Variants in STK33 observed in about 807,000 individuals in gnomAD.
The protein encoded by STK33 is serine/threonine kinase 33.
Under a neutral mutation model 58.0 loss-of-function variants are expected in STK33, and 52 were observed. The observed-to-expected ratio is 0.90, with a 90% CI of 0.72 to 1.13. The LOEUF is 1.13. Ranked by LOEUF, STK33 falls within the 50% of genes most tolerant of loss-of-function variation. The probability of loss-of-function intolerance (pLI) is 0.00; values close to 1 mark genes in which losing one functional copy is unlikely to be tolerated. For synonymous variants in STK33, 215 were observed against 200.1 expected (o/e 1.07, Z -0.63); for missense variants, 630 against 604.2 (o/e 1.04, Z -0.45).
At chr11:8,557,393 G>GAAAAAA (rs1234834148) in intron 1 of STK33, among the ~76,000 whole-genome samples, 1 of 149,720 alleles carries the variant, frequency 6.7e-6, no homozygotes. Flanking sequence ...AAAAAGGAGG[G>GAAAAAA]GAAAAAGGAA....
In STK33 at chr11:8,534,562, CTCTCTCTGTG is replaced by C. The variant is rs1224104270; in HGVS notation, c.-465-53958_-465-53949del. Reference sequence around the variant, plus strand: ...TCTCTCTCTCTCTCTCTCTCTCTCTCTCTCTCTGTGTGTGTGTGTGTGTGTGTGTGTGTGT... The same window carrying C: ...TCTCTCTCTCTCTCTCTCTCTCTCTCTGTGTGTGTGTGTGTGTGTGTGTGT... On this transcript the variant is annotated intron_variant, in intron 1 of 15. Coordinates refer to ENST00000687296, the MANE Select transcript of STK33 (RefSeq NM_001352389.2). Among the ~76,000 whole-genome samples, 113 of 129,058 alleles carry C rather than the reference CTCTCTCTGTG, an allele frequency of 8.8e-4. 1 individual carries two copies. Among genetic ancestry groups the C allele is most frequent in the African/African-American group, 2.7e-3 (82 of 30,184 alleles). 84.7% of individuals were successfully genotyped at this position (129,058 alleles called of 152,430 possible).
chr11:8,428,814 CTGTTA>C (rs1943076191), intron 14 of STK33, among the ~76,000 whole-genome samples: 1 of 151,996 alleles, frequency 6.6e-6, no homozygotes, highest in East Asian at 1.9e-4. Context: ...CAATATGATA[CTGTTA>C]TGTTTAGTAA....
At chr11:8,553,167 A>AATATAT (rs56363010) in intron 1 of STK33, among the ~76,000 whole-genome samples, 84 of 68,156 alleles carry the variant, frequency 1.2e-3, no homozygotes, top group Admixed American at 2.2e-3. Context: ...CCAAAAATAA[A>AATATAT]ATATATATAT....
intron 2 of STK33, among the ~76,000 whole-genome samples, chr11:8,480,151 G>C (rs1027186583): frequency 3.3e-5 from 5 of 152,126 alleles, no homozygotes. Flanking sequence ...AGTGGGTGCC[G>C]ATTTCCATCT....
At chr11:8,382,212 G>T in the STK33 span, among the ~76,000 whole-genome samples, 2 of 152,206 alleles carry the variant, frequency 1.3e-5, no homozygotes, top group Admixed American at 1.3e-4. Flanking sequence ...GCTACATTGG[G>T]GTGACACTTG....
At chr11:8,493,226 G>A (rs924084827) in intron 1 of STK33, among the ~76,000 whole-genome samples, 1 of 151,884 alleles carries the variant, frequency 6.6e-6, no homozygotes, top group East Asian at 1.9e-4. Flanking sequence ...AGAAAACAGA[G>A]AAGAATCAAA....
At chr11:8,441,330 A>AAT (rs1257785681) in intron 11 of STK33, among the ~76,000 whole-genome samples, 4 of 151,892 alleles carry the variant, frequency 2.6e-5, no homozygotes, top group South Asian at 2.1e-4. Flanking sequence ...GACTATACTA[A>AAT]ATATATATAT....
intron 1 of STK33, among the ~76,000 whole-genome samples, chr11:8,574,310 G>C (rs370560615): frequency 6.6e-6 from 1 of 152,174 alleles, no homozygotes; most frequent in African/African-American, 2.4e-5. Context: ...TTAATATTGA[G>C]GGAGGATGGT....
chr11:8,358,278 T>TGG, the STK33 span, among the ~76,000 whole-genome samples: 3 of 151,956 alleles, frequency 2.0e-5, no homozygotes, highest in South Asian at 2.1e-4. Context: ...CAGCTTGGGG[T>TGG]GGGGGGGCAT....
chr11:8,435,516 A>G lies in STK33; in HGVS notation c.1124T>C (p.Leu375Pro). ...TACTGTTAACCACTGGTTATCTAGT[A>G]GTTCCTTAGCTGTGATTCTGTGAGC... ...DPAHRITAKE[L>P]LDNQWLTGNK... The change falls in exon 14 of 16, where the codon CTA (leucine) becomes CCA (proline). Residue 375 changes from leucine to proline, a missense_variant. Leu to Pro is a moderately conservative substitution (Grantham distance 98, BLOSUM62 -3). Coordinates refer to ENST00000687296, the MANE Select transcript of STK33 (RefSeq NM_001352389.2). 1 of 1,494,854 alleles carries G rather than the reference A, an allele frequency of 6.7e-7. No individual in the cohort carries two copies. Among genetic ancestry groups the G allele is most frequent in the Non-Finnish European group, 9.0e-7 (1 of 1,109,912 alleles). The allele number at this position is 1,494,854 out of a possible 1,614,324, so 92.6% of individuals were successfully genotyped here. A position where few individuals can be genotyped will look rare whatever the true frequency, so the allele number is the denominator to read the frequency against.
At chr11:8,371,613 CTCTT>C in the STK33 span, among the ~76,000 whole-genome samples, 27 of 146,428 alleles carry the variant, frequency 1.8e-4, 1 homozygote, top group Admixed American at 1.9e-3. Context: ...CTCTTTCTTT[CTCTT>C]TCTTTTCCTT....
chr11:8,472,105 T>A lies in STK33; in HGVS notation c.339+1058A>T, dbSNP rs946720407. On this transcript the variant is annotated intron_variant, in intron 6 of 15. Coordinates refer to ENST00000687296, the MANE Select transcript of STK33 (RefSeq NM_001352389.2). The stretch of plus-strand genomic sequence containing the variant: ...CTATATCCTGCTAATTTTTTAAAAA[T>A]TTTTTTAGAGAAGGAGTTTTGCTAT... Among the ~76,000 whole-genome samples, 5 of 152,132 alleles carry A rather than the reference T, an allele frequency of 3.3e-5. No individual in the cohort carries two copies. The South Asian group carries it at 6.2e-4, about 19-fold the overall frequency.
At chr11:8,519,531 CA>C (rs1229663370) in intron 1 of STK33, among the ~76,000 whole-genome samples, 2 of 151,784 alleles carry the variant, frequency 1.3e-5, no homozygotes, top group Non-Finnish European at 2.9e-5. Flanking sequence ...AAAAACCCTT[CA>C]AAAAAATCAA....
intron 8 of STK33, among the ~76,000 whole-genome samples, chr11:8,459,961 G>C (rs1396494399): frequency 6.6e-6 from 1 of 152,218 alleles, no homozygotes; most frequent in Non-Finnish European, 1.5e-5. Flanking sequence ...CCATGAGCTG[G>C]AGGTAAACCT....
chr11:8,549,964 CA>C (rs1304348887), intron 1 of STK33, among the ~76,000 whole-genome samples: 1 of 152,004 alleles, frequency 6.6e-6, no homozygotes, highest in African/African-American at 2.4e-5. Flanking sequence ...TTACTTAAAA[CA>C]AAAGTCAGTG....
chr11:8,553,207 A>G lies in STK33; in HGVS notation c.-466+40876T>C, dbSNP rs1288298802. Among the ~76,000 whole-genome samples, 6 of 100,278 alleles carry G rather than the reference A, an allele frequency of 6.0e-5. No individual in the cohort carries two copies. In the East Asian group the frequency reaches 1.4e-3, roughly 24 times the overall value. 65.8% of individuals were successfully genotyped at this position (100,278 alleles called of 152,430 possible). On this transcript the variant is annotated intron_variant, in intron 1 of 15. Transcript: ENST00000687296. ...ATATATATATATATATGGTGTATAT[A>G]TATATATATATATATATGGTGTGTA...
chr11:8,546,957 G>A (rs750515419), intron 1 of STK33, among the ~76,000 whole-genome samples: 18 of 151,964 alleles, frequency 1.2e-4, no homozygotes, highest in Non-Finnish European at 2.2e-4. Flanking sequence ...TGGATCATAC[G>A]GTAGACTATT....
chr11:8,505,898 C>T (rs190585316), intron 1 of STK33, among the ~76,000 whole-genome samples: 6 of 152,264 alleles, frequency 3.9e-5, no homozygotes, highest in Admixed American at 1.3e-4. Flanking sequence ...TGTTAAGTTA[C>T]GTTAAGCTCT....
the STK33 span, among the ~76,000 whole-genome samples, chr11:8,369,299 G>GTGTGTA: frequency 7.7e-6 from 1 of 129,264 alleles, no homozygotes; most frequent in Non-Finnish European, 1.6e-5. Flanking sequence ...TTTACTCTGT[G>GTGTGTA]TGTGTGTGTG....
Sources: allele counts gnomAD v4.1 joint callset (sites outside exome capture counted in the v4.1 genomes callset), GRCh38; gene constraint gnomAD v4.1.1; transcripts MANE v1.5; gene names NCBI Gene and HGNC (gene_info 2026-07-23, HGNC 2026-07-21).